Variants in LIN28B observed in about 807,000 individuals in gnomAD.
LIN28B encodes lin-28 RNA binding posttranscriptional regulator B.
Under a neutral mutation model 21.9 loss-of-function variants are expected in LIN28B, and 5 were observed. That is an observed-to-expected ratio of 0.23 (90% CI 0.12 to 0.48). The LOEUF is 0.48. Among genes scored for constraint, LIN28B ranks in the 20% least tolerant of loss-of-function variants. The pLI is 0.98. For synonymous variants in LIN28B, 109 were observed against 111.3 expected, an observed-to-expected ratio of 0.98 and a Z score of 0.13; for missense variants, 245 against 310.5, an observed-to-expected ratio of 0.79 and a Z score of 1.58.
chr6:105,005,140 C>A (rs1486236434), intron 2 of LIN28B, among the ~76,000 whole-genome samples: 1 of 152,204 alleles, frequency 6.6e-6, no homozygotes, highest in East Asian at 1.9e-4. Context: ...TTCAAAGTAT[C>A]GTTTTATTTA....
intron 3 of LIN28B, among the ~76,000 whole-genome samples, chr6:105,070,592 C>CCCCACACACACACA (rs1772311846): frequency 2.2e-5 from 2 of 92,228 alleles, no homozygotes; most frequent in Admixed American, 1.1e-4. Flanking sequence ...ATCAATAAAA[C>CCCCACACACACACA]CACACACACA....
At chr6:105,007,351 G>A (rs1345150257) in intron 2 of LIN28B, among the ~76,000 whole-genome samples, 2 of 152,116 alleles carry the variant, frequency 1.3e-5, no homozygotes, top group African/African-American at 4.8e-5. Flanking sequence ...AGAGTCAGAT[G>A]CTTGAAAGAA....
At chr6:105,075,152 T>C (rs1368547504) in intron 3 of LIN28B, among the ~76,000 whole-genome samples, 1 of 150,826 alleles carries the variant, frequency 6.6e-6, no homozygotes, top group Admixed American at 6.6e-5. Flanking sequence ...TTTCTTTGTA[T>C]GGTCTTTTGT....
chr6:105,077,724 T>C lies in LIN28B; in HGVS notation c.384-690T>C, dbSNP rs1772462140. The stretch of plus-strand genomic sequence containing the variant: ...TAATTCAATCTAAGTATTTAGAAGC[T>C]TTCTTTTTTTAGCACTGTTCTGATT... On this transcript the variant is annotated intron_variant, in intron 3 of 3. Transcript: ENST00000345080. 2.0e-5 allele frequency among the ~76,000 whole-genome samples: 3 copies of C among 152,236 alleles called. 1 individual carries two copies. The South Asian group carries it at 6.2e-4, about 32-fold the overall frequency.
Position 104,945,667 on chromosome 6 carries a change from A to G in LIN28B, c.19-4794A>G, listed in dbSNP as rs571595559. On this transcript the variant is annotated intron_variant, in intron 2 of 5. Transcript: ENST00000635857. ...CTTTCTTTTACTTTTCTTCAACGTG[A>G]TCTAACAGTGACTGGGCTGTGAGCT... Among the ~76,000 whole-genome samples the G allele has an allele frequency of 4.7e-4, 72 of 152,130 alleles. 1 individual carries two copies. The South Asian group carries it at 0.014, about 30-fold the overall frequency.
At chr6:105,030,097 TTAAGC>T (rs1212623564) in intron 3 of LIN28B, among the ~76,000 whole-genome samples, 4 of 152,352 alleles carry the variant, frequency 2.6e-5, no homozygotes, top group African/African-American at 7.2e-5. Context: ...CAACTTTCTA[TTAAGC>T]TAAGGGTGTC....
intron 3 of LIN28B, among the ~76,000 whole-genome samples, chr6:105,038,333 C>T (rs901553533): frequency 3.9e-5 from 6 of 152,116 alleles, no homozygotes; most frequent in African/African-American, 1.4e-4. Flanking sequence ...AAGCCAGGCA[C>T]ATGTGACTAT....
chr6:105,010,265 A>T (rs1336571362), intron 2 of LIN28B, among the ~76,000 whole-genome samples: 1 of 151,222 alleles, frequency 6.6e-6, no homozygotes. Flanking sequence ...TATGAGGCTG[A>T]GGTGGGTGGA....
chr6:105,054,731 C>G (rs1380464903), intron 3 of LIN28B, among the ~76,000 whole-genome samples: 1 of 152,220 alleles, frequency 6.6e-6, no homozygotes, highest in Non-Finnish European at 1.5e-5. Context: ...TGTCCTGTCC[C>G]CATGCCCCAG....
Position 105,042,078 on chromosome 6 carries a change from G to A in LIN28B, c.383+15596G>A, listed in dbSNP as rs577710221. ...AGCCTAGAATGTGATAATCTGATTC[G>A]CTAGACATGAATCATTTGCCCACTC... On this transcript the variant is annotated intron_variant, in intron 3 of 3. Coordinates refer to ENST00000345080, the MANE Select transcript of LIN28B (RefSeq NM_001004317.4). Among the ~76,000 whole-genome samples the A allele has an allele frequency of 6.6e-5, 10 of 152,154 alleles. No individual in the cohort carries two copies. The South Asian group carries it at 1.9e-3, about 28-fold the overall frequency.
At chr6:104,994,474 G>T (rs1378900684) in intron 2 of LIN28B, among the ~76,000 whole-genome samples, 1 of 152,168 alleles carries the variant, frequency 6.6e-6, no homozygotes, top group Non-Finnish European at 1.5e-5. Context: ...TCAGTCATGG[G>T]CTCTGTCTTC....
chr6:104,969,280 C>G (rs943845182), intron 2 of LIN28B, among the ~76,000 whole-genome samples: 4 of 152,084 alleles, frequency 2.6e-5, no homozygotes, highest in African/African-American at 9.7e-5. Flanking sequence ...GTTTCCTCCC[C>G]CATGCCATTG....
At chr6:105,046,605 A>G (rs1459343775) in intron 3 of LIN28B, among the ~76,000 whole-genome samples, 2 of 152,124 alleles carry the variant, frequency 1.3e-5, no homozygotes, top group Non-Finnish European at 2.9e-5. Flanking sequence ...GACTTCCACA[A>G]TGGTTGAACT....
Position 105,082,347 on chromosome 6 carries a change from G to C in LIN28B, c.*3564G>C, listed in dbSNP as rs189287938. The stretch of plus-strand genomic sequence containing the variant: ...TGCACCAGTGCGGCCCCAAGTTACT[G>C]CTGGTTGTATTTAGTTTGTGAATAG... On this transcript the variant is annotated 3_prime_UTR_variant, in exon 4 of 4. Transcript: ENST00000345080. 1 of 152,694 alleles carries C rather than the reference G, an allele frequency of 6.5e-6. No homozygotes were observed. The highest frequency in any genetic ancestry group is 1.9e-4 in the East Asian group (1 of 5,184). The allele number at this position is 152,694 out of a possible 1,614,324, so 9.5% of individuals were successfully genotyped here.
intron 3 of LIN28B, among the ~76,000 whole-genome samples, chr6:105,043,763 T>G (rs1157917464): frequency 2.6e-5 from 4 of 151,958 alleles, no homozygotes; most frequent in Non-Finnish European, 5.9e-5. Context: ...GTATTTTTAG[T>G]AGAGATGGGG....
chr6:104,985,519 T>C (rs568803712), intron 2 of LIN28B, among the ~76,000 whole-genome samples: 1 of 152,354 alleles, frequency 6.6e-6, no homozygotes, highest in Non-Finnish European at 1.5e-5. Flanking sequence ...CTTGATATGA[T>C]ACAGTTTTTA....
chr6:104,968,826 T>A (rs1338406237), intron 2 of LIN28B, among the ~76,000 whole-genome samples: 1 of 152,192 alleles, frequency 6.6e-6, no homozygotes, highest in Non-Finnish European at 1.5e-5. Context: ...ATTGTCTTTA[T>A]CCTTAGTTCA....
intron 3 of LIN28B, among the ~76,000 whole-genome samples, chr6:105,075,719 T>C (rs1377869766): frequency 6.6e-6 from 1 of 152,166 alleles, no homozygotes; most frequent in African/African-American, 2.4e-5. Context: ...AAGATCCCAT[T>C]TGTGAAAGTA....
intron 2 of LIN28B, among the ~76,000 whole-genome samples, chr6:104,978,268 C>A (rs1770145132): frequency 6.6e-6 from 1 of 152,202 alleles, no homozygotes; most frequent in East Asian, 1.9e-4. Flanking sequence ...AAGGATCTAT[C>A]TGTCTAATTC....
Sources: allele counts gnomAD v4.1 joint callset (sites outside exome capture counted in the v4.1 genomes callset), GRCh38; gene constraint gnomAD v4.1.1; transcripts MANE v1.5; gene names NCBI Gene and HGNC (gene_info 2026-07-23, HGNC 2026-07-21).